The following SH3BGR variants were observed in gnomAD, a reference collection of about 807,000 sequenced individuals.
The protein encoded by SH3BGR is SH3 domain-binding glutamic acid-rich protein.
In SH3BGR, 29 loss-of-function variants were observed where a neutral mutation model predicts 24.5. The ratio of observed to expected loss-of-function variants is 1.18; its 90% CI spans 0.88 to 1.61. The LOEUF is 1.61. Ranked by LOEUF, SH3BGR falls within the 40% of genes most tolerant of loss-of-function variation. SH3BGR has a pLI of 0.00. For missense variants in SH3BGR, 162 were observed against 205.8 expected (o/e 0.79, Z 1.30); for synonymous variants, 55 against 65.7 (o/e 0.84, Z 0.79).
intron 6 of SH3BGR, among the ~76,000 whole-genome samples, chr21:39,513,336 T>G (rs2123580123): frequency 6.6e-6 from 1 of 152,312 alleles, no homozygotes; most frequent in East Asian, 1.9e-4. Context: ...AGAAGAAATC[T>G]TTGGTGCTCT....
intron 3 of SH3BGR, among the ~76,000 whole-genome samples, chr21:39,489,261 C>T (rs2078260309): frequency 6.6e-6 from 1 of 152,208 alleles, no homozygotes; most frequent in South Asian, 2.1e-4. Context: ...ATCCCCTTAT[C>T]TTATGACTGC....
At chr21:39,453,372 C>G (rs552435173) in intron 1 of SH3BGR, among the ~76,000 whole-genome samples, 2 of 152,136 alleles carry the variant, frequency 1.3e-5, no homozygotes, top group East Asian at 3.9e-4. Context: ...TTCAGTTGAT[C>G]TAGAAGGAGT....
intron 4 of SH3BGR, among the ~76,000 whole-genome samples, chr21:39,508,738 AT>A (rs1234883128): frequency 1.3e-5 from 2 of 152,216 alleles, no homozygotes; most frequent in Non-Finnish European, 2.9e-5. Context: ...AGTATTAATA[AT>A]TACATTTTCT....
chr21:39,512,200 A>T (rs2078707401), intron 6 of SH3BGR, among the ~76,000 whole-genome samples: 1 of 152,188 alleles, frequency 6.6e-6, no homozygotes, highest in Admixed American at 6.5e-5. Flanking sequence ...CACCAACCAC[A>T]TGTACAACTT....
chr21:39,494,024 G>C (rs892844923), intron 3 of SH3BGR, among the ~76,000 whole-genome samples: 2 of 151,840 alleles, frequency 1.3e-5, no homozygotes, highest in Non-Finnish European at 2.9e-5. Context: ...GAGTCTTTGG[G>C]GTTTTCTAGG....
At chr21:39,489,962 T>C (rs955074334) in intron 3 of SH3BGR, among the ~76,000 whole-genome samples, 3 of 152,088 alleles carry the variant, frequency 2.0e-5, no homozygotes, top group Non-Finnish European at 4.4e-5. Context: ...AAAGGAGATA[T>C]AGGAAAATAT....
At chr21:39,502,965 C>T (rs1173634852) in intron 4 of SH3BGR, among the ~76,000 whole-genome samples, 4 of 150,238 alleles carry the variant, frequency 2.7e-5, no homozygotes, top group South Asian at 2.1e-4. Flanking sequence ...TGGCCACCTC[C>T]GTCTTGCCAA....
intron 3 of SH3BGR, among the ~76,000 whole-genome samples, chr21:39,477,582 G>A (rs2123399027): frequency 6.6e-6 from 1 of 152,274 alleles, no homozygotes; most frequent in Middle Eastern, 3.4e-3. Flanking sequence ...AGCTCTTTCA[G>A]TGAGACAAAA....
Position 39,454,574 on chromosome 21 carries a change from C to A in SH3BGR, c.45+2433C>A, listed in dbSNP as rs6517550. Among the ~76,000 whole-genome samples the A allele has an allele frequency of 6.9e-3, 1,050 of 152,216 alleles. 7 individuals are homozygous for A. Among genetic ancestry groups the A allele is most frequent in the African/African-American group, 0.023 (973 of 41,514 alleles). On this transcript the variant is annotated intron_variant, in intron 1 of 6. Transcript: ENST00000333634. ...GAAGGCCACAGTGGGGCAGGGGGGACAAAGGGAGAGAGGACAGTCCCTGCC... is the reference window on the plus strand; with the variant it reads ...GAAGGCCACAGTGGGGCAGGGGGGAAAAAGGGAGAGAGGACAGTCCCTGCC...
rs2078699868 is a variant in SH3BGR, at chr21:39,511,744, G to GA, written c.501dup (p.Glu168ArgfsTer27). ...GAGGAGGAGGAAGAAACTGCAGAAG[G>GA]AGAAGAGCCTGGAGAAGACGAAGAT... On this transcript the variant is annotated frameshift_variant, in exon 6 of 7. Transcript: ENST00000333634. LOFTEE classifies it high-confidence loss of function. The surrounding 1 kb of genome is among the most constrained non-coding windows in gnomAD (Gnocchi z 4.2). The GA allele has an allele frequency of 3.1e-6, 5 of 1,606,390 alleles. No individual in the cohort carries two copies. The highest frequency in any genetic ancestry group is 4.3e-6 in the Non-Finnish European group (5 of 1,174,086).
intron 4 of SH3BGR, among the ~76,000 whole-genome samples, chr21:39,503,262 T>A (rs544063125): frequency 6.6e-6 from 1 of 152,280 alleles, no homozygotes; most frequent in East Asian, 1.9e-4. Flanking sequence ...AACTATAGAC[T>A]CACAGGAAGT....
chr21:39,467,102 A>G (rs968330586), intron 2 of SH3BGR, among the ~76,000 whole-genome samples: 5 of 152,296 alleles, frequency 3.3e-5, no homozygotes, highest in Admixed American at 2.0e-4. Context: ...GCTTATTTTA[A>G]TCATCCTTTT....
intron 3 of SH3BGR, chr21:39,488,637 C>T (rs2078249149): frequency 3.0e-6 from 1 of 336,154 alleles, no homozygotes; most frequent in Non-Finnish European, 6.0e-6. Flanking sequence ...GGGTGTTTGA[C>T]AAGGAAGAGA....
At chr21:39,447,416 C>CATTTTTTTTTTTTTTTTTT (rs1227234170), upstream of SH3BGR, among the ~76,000 whole-genome samples, 2 of 114,708 alleles carry the variant, frequency 1.7e-5, no homozygotes, top group Non-Finnish European at 1.8e-5. Flanking sequence ...TTCGCTTTTG[C>CATTTTTTTTTTTTTTTTTT]TTTTTTTTTT....
intron 2 of SH3BGR, among the ~76,000 whole-genome samples, chr21:39,464,445 A>G (rs2077807754): frequency 6.6e-6 from 1 of 151,922 alleles, no homozygotes; most frequent in Non-Finnish European, 1.5e-5. Context: ...CTGGTCTCGA[A>G]CTCCTGACCT....
At chr21:39,495,177 G>A (rs1463780301) in intron 3 of SH3BGR, among the ~76,000 whole-genome samples, 1 of 152,056 alleles carries the variant, frequency 6.6e-6, no homozygotes, top group African/African-American at 2.4e-5. Flanking sequence ...CAGCATCCAG[G>A]TCTTTTCTGT....
At chr21:39,486,058 T>G (rs928047533) in intron 3 of SH3BGR, among the ~76,000 whole-genome samples, 4 of 152,220 alleles carry the variant, frequency 2.6e-5, no homozygotes, top group Non-Finnish European at 5.9e-5. Context: ...AACCCTTTAC[T>G]GTGGGGCTCT....
intron 2 of SH3BGR, among the ~76,000 whole-genome samples, chr21:39,466,252 A>G (rs973560384): frequency 1.3e-5 from 2 of 152,212 alleles, no homozygotes; most frequent in East Asian, 3.8e-4. Context: ...AACTTTGACA[A>G]TCTGTTTGGT....
At chr21:39,470,921 A>T (rs1390864782) in intron 2 of SH3BGR, among the ~76,000 whole-genome samples, 2 of 152,154 alleles carry the variant, frequency 1.3e-5, no homozygotes, top group African/African-American at 4.8e-5. Flanking sequence ...GCTTGAAAAA[A>T]TAGTTTTACT....
Sources: gnomAD v4.1 joint callset for allele counts (sites outside exome capture counted in the v4.1 genomes callset) on GRCh38, gnomAD v4.1.1 for gene constraint, Gnocchi (gnomAD v3.1) non-coding constraint, MANE v1.5 for transcripts, NCBI Gene and HGNC (gene_info 2026-07-23, HGNC 2026-07-21) for gene names.